EBF1: variants seen among roughly 807,000 people sequenced by gnomAD.
The protein encoded by EBF1 is EBF transcription factor 1, also known as transcription factor COE1.
Under a neutral mutation model 68.4 loss-of-function variants are expected in EBF1, and 10 were observed. The ratio of observed to expected loss-of-function variants is 0.15; its 90% CI spans 0.09 to 0.25. EBF1 has a LOEUF of 0.25. EBF1 is among the 10% of genes least tolerant of loss of function. The pLI is 1.00. For missense variants in EBF1, 509 were observed against 794.4 expected, an observed-to-expected ratio of 0.64 and a Z score of 4.32; for synonymous variants, 298 against 299.8, an observed-to-expected ratio of 0.99 and a Z score of 0.06.
chr5:158,983,502 C>G (rs965967904), intron 6 of EBF1: 2 of 152,112 alleles, frequency 1.3e-5, no homozygotes, highest in South Asian at 4.1e-4. Flanking sequence ...TAGGACAAAC[C>G]TGAACTAATT....
At chr5:158,884,063 C>T (rs751154948) in intron 6 of EBF1, among the ~76,000 whole-genome samples, 13 of 152,132 alleles carry the variant, frequency 8.5e-5, no homozygotes, top group Non-Finnish European at 1.6e-4. Context: ...ACACAAACAC[C>T]CTGCACCCTG....
intron 10 of EBF1, among the ~76,000 whole-genome samples, chr5:158,751,191 T>C (rs1768810307): frequency 6.6e-6 from 1 of 152,148 alleles, no homozygotes; most frequent in African/African-American, 2.4e-5. Context: ...GTGATGGCTA[T>C]TGGATGATTT....
intron 6 of EBF1, among the ~76,000 whole-genome samples, chr5:158,899,216 G>A (rs780212805): frequency 1.8e-4 from 27 of 152,134 alleles, no homozygotes; most frequent in Non-Finnish European, 3.2e-4. Context: ...GTTAAAGCAC[G>A]TACACTAGTA....
chr5:158,971,261 G>A (rs1425974631), intron 6 of EBF1, among the ~76,000 whole-genome samples: 6 of 152,150 alleles, frequency 3.9e-5, no homozygotes, highest in Admixed American at 6.5e-5. Flanking sequence ...CAGAGCGAGC[G>A]AGCATTGATC....
intron 10 of EBF1, among the ~76,000 whole-genome samples, chr5:158,758,281 T>C (rs1770590388): frequency 6.6e-6 from 1 of 152,210 alleles, no homozygotes; most frequent in Non-Finnish European, 1.5e-5. Flanking sequence ...AGAGGACTTA[T>C]ACACGTAAGA....
At chr5:158,944,007 G>A (rs1200265030) in intron 6 of EBF1, among the ~76,000 whole-genome samples, 1 of 152,194 alleles carries the variant, frequency 6.6e-6, no homozygotes, top group Admixed American at 6.5e-5. Flanking sequence ...ACTCCAAGCA[G>A]CCACAAGCAA....
At chr5:158,749,652 G>A (rs193230723) in intron 10 of EBF1, among the ~76,000 whole-genome samples, 203 of 152,230 alleles carry the variant, frequency 1.3e-3, no homozygotes, top group African/African-American at 4.8e-3. Context: ...TTCCTATAGA[G>A]TTTAGGATTT....
chr5:159,040,175 T>C (rs1293282697), intron 6 of EBF1, among the ~76,000 whole-genome samples: 2 of 152,048 alleles, frequency 1.3e-5, no homozygotes, highest in Non-Finnish European at 2.9e-5. Context: ...CCAGTAAACC[T>C]AAGGAAAGTG....
chr5:158,701,710 T>C (rs1289627984), intron 15 of EBF1, among the ~76,000 whole-genome samples: 1 of 152,218 alleles, frequency 6.6e-6, no homozygotes, highest in Non-Finnish European at 1.5e-5. Context: ...CAAGAGAAGC[T>C]AGAGATTTAG....
chr5:159,085,659 C>T (rs534489199), intron 4 of EBF1, among the ~76,000 whole-genome samples: 45 of 152,300 alleles, frequency 3.0e-4, no homozygotes, highest in African/African-American at 8.7e-4. Flanking sequence ...TAATATCACA[C>T]GGCTTCAAAT....
intron 10 of EBF1, among the ~76,000 whole-genome samples, chr5:158,753,862 A>G (rs1179663147): frequency 6.6e-6 from 1 of 152,122 alleles, no homozygotes; most frequent in Non-Finnish European, 1.5e-5. Flanking sequence ...CGACCACAAA[A>G]CTTACCTGCA....
intron 6 of EBF1, among the ~76,000 whole-genome samples, chr5:158,994,138 G>A (rs575136677): frequency 9.2e-5 from 14 of 152,086 alleles, no homozygotes; most frequent in Non-Finnish European, 1.3e-4. Context: ...AGGTGGGTGC[G>A]TCTCAGAAGG....
chr5:158,883,661 C>G (rs1799416704), intron 6 of EBF1, among the ~76,000 whole-genome samples: 1 of 151,964 alleles, frequency 6.6e-6, no homozygotes, highest in Admixed American at 6.6e-5. Context: ...TAGTTAGCCC[C>G]GTTTTACAAG....
At chr5:158,699,227 ACACCC>A in intron 15 of EBF1, 85 bp from the exon 16 acceptor site, 21 of 1,294,670 alleles carry the variant, frequency 1.6e-5, no homozygotes, top group African/African-American at 3.1e-5. Context: ...AAAAAAAAAA[ACACCC>A]ACACACAACT....
intron 6 of EBF1, among the ~76,000 whole-genome samples, chr5:158,853,171 A>G (rs1793309816): frequency 6.6e-6 from 1 of 152,200 alleles, no homozygotes; most frequent in Non-Finnish European, 1.5e-5. Context: ...ACAGTCTGCT[A>G]TTCTCTTTTT....
intron 6 of EBF1, among the ~76,000 whole-genome samples, chr5:158,840,649 T>G (rs960009001): frequency 4.8e-5 from 3 of 61,878 alleles, no homozygotes; most frequent in Non-Finnish European, 1.1e-4. Flanking sequence ...CCTCCTGTTT[T>G]TTTTTTTTTT....
chr5:158,895,169 T>TG (rs1801926313), intron 6 of EBF1, among the ~76,000 whole-genome samples: 1 of 152,152 alleles, frequency 6.6e-6, no homozygotes, highest in Non-Finnish European at 1.5e-5. Flanking sequence ...ATAAGTCAGA[T>TG]GCCAGGTAGG....
chr5:159,060,903 T>C (rs1010564796), intron 6 of EBF1, among the ~76,000 whole-genome samples: 1 of 150,562 alleles, frequency 6.6e-6, no homozygotes, highest in Non-Finnish European at 1.5e-5. Flanking sequence ...TTAATTTTAT[T>C]TTCTAGATTT....
At chr5:158,890,336 C>T (rs115426301) in intron 6 of EBF1, among the ~76,000 whole-genome samples, 9 of 152,280 alleles carry the variant, frequency 5.9e-5, no homozygotes, top group Non-Finnish European at 1.0e-4. Context: ...AAAGATGATC[C>T]GCATTTGCTT....
Sources: allele counts gnomAD v4.1 joint callset (sites outside exome capture counted in the v4.1 genomes callset), GRCh38; gene constraint gnomAD v4.1.1; transcripts MANE v1.5; gene names NCBI Gene and HGNC (gene_info 2026-07-23, HGNC 2026-07-21).